Variants in LGI3 observed in about 807,000 individuals in gnomAD.
LGI3 encodes the protein leucine rich repeat LGI family member 3.
Under a neutral mutation model 55.4 loss-of-function variants are expected in LGI3, and 47 were observed. That is an observed-to-expected ratio of 0.85 (90% CI 0.67 to 1.08). The LOEUF (loss-of-function observed/expected upper bound fraction) is 1.08. Ranked by LOEUF, LGI3 falls within the 50% of genes least tolerant of loss-of-function variation. The pLI is 0.00. For synonymous variants in LGI3, 326 were observed against 315.0 expected, an observed-to-expected ratio of 1.04 and a Z score of -0.37; for missense variants, 664 against 726.3, an observed-to-expected ratio of 0.91 and a Z score of 0.99.
At position 22,148,330 on chromosome 8, in the gene LGI3, A is replaced by G; in HGVS notation, c.1477T>C (p.Tyr493His). The G allele has an allele frequency of 6.2e-7, 1 of 1,614,130 alleles. No homozygotes were observed. Among genetic ancestry groups the G allele is most frequent in the Admixed American group, 1.7e-5 (1 of 60,010 alleles). ...TTCTGTCGTCCCTCATCCCACTGGT[A>G]GATCTGGGTGAAGGAGAAATCACTG... The part of the protein sequence containing the change: ...LGSDFSFTQI[Y>H]QWDEGRQKFV... Residue 493 changes from tyrosine (Y) to histidine (H), a missense_variant, in exon 8 of 8, where the codon TAC becomes CAC. Transcript: ENST00000306317. This position sits in a 1 kb window ranked among gnomAD's most constrained non-coding sequence, Gnocchi z 7.0.
At chr8:22,153,530 G>A (rs1003549888) in intron 5 of LGI3, among the ~76,000 whole-genome samples, 15 of 151,694 alleles carry the variant, frequency 9.9e-5, no homozygotes, top group Admixed American at 6.6e-4. Flanking sequence ...GTGAAACCCC[G>A]TCTATACTAA....
chr8:22,156,489 G>C lies in LGI3; in HGVS notation c.54C>G (p.Ser18=). 7.0e-7 allele frequency: 1 copy of C among 1,421,432 alleles called. No homozygotes were observed. Among genetic ancestry groups the C allele is most frequent in the Non-Finnish European group, 9.2e-7 (1 of 1,088,746 alleles). 88.1% of individuals were successfully genotyped at this position (1,421,432 alleles called of 1,614,324 possible). Residue 18 remains serine (S), a synonymous_variant, in exon 1 of 8, where the codon TCC becomes TCG. Coordinates refer to ENST00000306317, the MANE Select transcript of LGI3 (RefSeq NM_139278.4). The part of the protein sequence containing the change: ...GGPGPGLLAL[S]ALGFCLMLQV... ...GCAGCATGAGGCAGAAGCCGAGCGC[G>C]GAGAGCGCCAGCAGCCCCGGCCCCG... is the stretch of plus-strand genomic sequence containing the variant.
chr8:22,153,365 G>A (rs907753133), intron 5 of LGI3, among the ~76,000 whole-genome samples: 4 of 151,148 alleles, frequency 2.6e-5, no homozygotes, highest in Non-Finnish European at 5.9e-5. Flanking sequence ...GATTACAGGC[G>A]TGAGCCACCA....
Position 22,148,672 on chromosome 8 carries a change from G to A in LGI3, c.1135C>T (p.Leu379=). ...TTGCCCTCGCCGTCCACAAACTCCA[G>A]GTCGGTGTCACGGTGCCAGGGGTGC... is the stretch of plus-strand genomic sequence containing the variant. ...ALHPWHRDTD[L]EFVDGEGKPR... is the part of the protein sequence containing the mutation. The change falls in exon 8 of 8, where the codon CTG becomes TTG. Residue 379 remains leucine (L), a synonymous_variant. Transcript: ENST00000306317. The surrounding 1 kb of genome is among the most constrained non-coding windows in gnomAD (Gnocchi z 7.0). 1 of 1,614,074 alleles carries A rather than the reference G, an allele frequency of 6.2e-7. No homozygotes were observed. Among genetic ancestry groups the A allele is most frequent in the Non-Finnish European group, 8.5e-7 (1 of 1,180,018 alleles).
chr8:22,156,520 C>A lies in LGI3; in HGVS notation c.23G>T (p.Gly8Val). 1.5e-6 allele frequency: 2 copies of A among 1,363,134 alleles called. No individual in the cohort carries two copies. Among genetic ancestry groups the A allele is most frequent in the Non-Finnish European group, 1.9e-6 (2 of 1,057,226 alleles). 84.4% of individuals were successfully genotyped at this position (1,363,134 alleles called of 1,614,324 possible). ...CGCCAGCAGCCCCGGCCCCGGGCCC[C>A]CCCTGGCCCGCAGCCCCGCCATGCT... is the stretch of plus-strand genomic sequence containing the variant. MAGLRAR[G>V]GPGPGLLALS... The change falls in exon 1 of 8, where the codon GGG becomes GTG. Residue 8 changes from glycine (G) to valine (V), a missense_variant. Physicochemically the swap from Gly to Val is moderately radical, Grantham distance 109 (BLOSUM62 -3). Transcript: ENST00000306317.
intron 1 of LGI3, among the ~76,000 whole-genome samples, chr8:22,155,898 G>A (rs1292903024): frequency 1.3e-5 from 2 of 152,264 alleles, no homozygotes; most frequent in African/African-American, 4.8e-5. Flanking sequence ...GGCTGGCCGA[G>A]CTGAGTGCCA....
At chr8:22,152,762 A>C (rs1285920919) in intron 5 of LGI3, among the ~76,000 whole-genome samples, 1 of 145,738 alleles carries the variant, frequency 6.9e-6, no homozygotes, top group African/African-American at 2.5e-5. Flanking sequence ...AAAAAAAAGC[A>C]CATGTTGGCC....
chr8:22,156,722 C>A lies in LGI3; in HGVS notation c.-180G>T. The A allele has an allele frequency of 4.6e-6, 1 of 219,058 alleles. No homozygotes were observed. Among genetic ancestry groups the A allele is most frequent in the Non-Finnish European group, 8.8e-6 (1 of 113,486 alleles). 13.6% of individuals were successfully genotyped at this position (219,058 alleles called of 1,614,324 possible). On this transcript the variant is annotated 5_prime_UTR_variant, in exon 1 of 8. Coordinates refer to ENST00000306317, the MANE Select transcript of LGI3 (RefSeq NM_139278.4). ...CGGCTGCGGTCCCCTCCCCTGCTCG[C>A]TCCCGCGATCCGGCTCGGGAGAGAA...
Position 22,156,525 on chromosome 8 carries a change from G to C in LGI3, c.18C>G (p.Ala6=), listed in dbSNP as rs2131799315. Residue 6 remains alanine, a synonymous_variant, in exon 1 of 8, where the codon GCC becomes GCG. Coordinates refer to ENST00000306317, the MANE Select transcript of LGI3 (RefSeq NM_139278.4). MAGLR[A]RGGPGPGLLA... ...GCAGCCCCGGCCCCGGGCCCCCCCT[G>C]GCCCGCAGCCCCGCCATGCTGCCCG... is the stretch of plus-strand genomic sequence containing the variant. 4.4e-6 allele frequency: 6 copies of C among 1,348,696 alleles called. No individual in the cohort carries two copies. The African/African-American group carries it at 4.6e-5, about 10-fold the overall frequency. 83.5% of individuals were successfully genotyped at this position (1,348,696 alleles called of 1,614,324 possible).
chr8:22,156,554 TCTCTCCCTGGGGCCGGCGGC>T lies in LGI3; in HGVS notation c.-32_-13del. 8.5e-7 allele frequency: 1 copy of T among 1,180,180 alleles called. No homozygotes were observed. Among genetic ancestry groups the T allele is most frequent in the Non-Finnish European group, 1.1e-6 (1 of 911,236 alleles). 73.1% of individuals were successfully genotyped at this position (1,180,180 alleles called of 1,614,324 possible). On this transcript the variant is annotated 5_prime_UTR_variant, in exon 1 of 8. Transcript: ENST00000306317. Reference sequence around the variant, plus strand: ...CGCAGCCCCGCCATGCTGCCCGCGATCTCTCCCTGGGGCCGGCGGCCGCGGCCCCCGCCCCACCGCTCCCG... The same window carrying T: ...CGCAGCCCCGCCATGCTGCCCGCGATCGCGGCCCCCGCCCCACCGCTCCCG...
At chr8:22,150,501 G>A (rs954551737) in intron 7 of LGI3, among the ~76,000 whole-genome samples, 1 of 151,880 alleles carries the variant, frequency 6.6e-6, no homozygotes, top group African/African-American at 2.4e-5. Flanking sequence ...TGGGACTACA[G>A]GCACCTGCCA....
chr8:22,149,094 T>C (rs1827346230), intron 7 of LGI3, 117 bp from the exon 8 acceptor site: 8 of 663,438 alleles, frequency 1.2e-5, no homozygotes, highest in Admixed American at 2.9e-5. Flanking sequence ...CTCTGCGCTA[T>C]ACCATTCCAC....
intron 2 of LGI3, 141 bp from the exon 3 acceptor site, chr8:22,154,772 C>T (rs1827465219): frequency 3.0e-6 from 2 of 657,700 alleles, no homozygotes; most frequent in Non-Finnish European, 5.5e-6. Context: ...AATCCCTGGG[C>T]CACCTGGGCA....
chr8:22,151,997 G>T lies in LGI3; in HGVS notation c.498C>A (p.Asp166Glu), dbSNP rs1351220948. ...FRPLDILNDL[D>E]LRGNSLNCDC... ...CACAGTTGAGTGAGTTGCCCCGCAG[G>T]TCCCTGCATCATGAGGGCAGAGGAG... Residue 166 changes from aspartate to glutamate, a missense_variant, in exon 6 of 8, where the codon GAC becomes GAA. Transcript: ENST00000306317. The T allele has an allele frequency of 1.9e-6, 3 of 1,596,170 alleles. No homozygotes were observed. Among genetic ancestry groups the T allele is most frequent in the Non-Finnish European group, 1.7e-6 (2 of 1,167,700 alleles).
At position 22,154,031 on chromosome 8, in the gene LGI3, G is replaced by T. The variant is rs1227592621; in HGVS notation, c.431C>A (p.Ala144Asp). The T allele has an allele frequency of 3.7e-6, 6 of 1,614,068 alleles. No homozygotes were observed. Among genetic ancestry groups the T allele is most frequent in the Non-Finnish European group, 5.1e-6 (6 of 1,180,030 alleles). The change falls in exon 5 of 8, where the codon GCC becomes GAC. Residue 144 changes from alanine (A) to aspartate (D), a missense_variant. Ala to Asp is a moderately radical substitution (Grantham distance 126). Transcript: ENST00000306317. ...GGGCAGTGTCTGCAGGTTATTGTTG[G>T]CCAGCGAGCTGCAAAAGAGACCGCC... ...GLKSLTHLSL[A>D]NNNLQTLPRD...
At position 22,147,848 on chromosome 8, in the gene LGI3, C is replaced by T. The variant is rs1040265709; in HGVS notation, c.*312G>A. On this transcript the variant is annotated 3_prime_UTR_variant, in exon 8 of 8. Transcript: ENST00000306317. ...GCGGCCCCCCTCGCTCCCAGCACCCCGCACCACTCGTGCATGAGACAGGGG... is the reference window on the plus strand; with the variant it reads ...GCGGCCCCCCTCGCTCCCAGCACCCTGCACCACTCGTGCATGAGACAGGGG... 5 of 347,992 alleles carry T rather than the reference C, an allele frequency of 1.4e-5. No individual in the cohort carries two copies. The highest frequency in any genetic ancestry group is 8.2e-4 in the Middle Eastern group (1 of 1,216). The allele number at this position is 347,992 out of a possible 1,614,324, so 21.6% of individuals were successfully genotyped here.
At chr8:22,152,837 G>A (rs7834247) in intron 5 of LGI3, among the ~76,000 whole-genome samples, 6,995 of 151,238 alleles carry the variant, frequency 0.046, 514 homozygotes, top group African/African-American at 0.16. Context: ...GATCAACTGA[G>A]GTCGGGAGTT....
intron 3 of LGI3, 64 bp downstream of exon 3, chr8:22,154,496 G>A (rs565946310): frequency 1.1e-4 from 157 of 1,427,106 alleles, no homozygotes; most frequent in African/African-American, 5.9e-4. Flanking sequence ...CCAGTCCCTC[G>A]GCCTCCCAGG....
intron 2 of LGI3, chr8:22,154,890 T>C: frequency 1.9e-6 from 1 of 520,148 alleles, no homozygotes; most frequent in Non-Finnish European, 3.5e-6. Context: ...CTCCTGGTCC[T>C]CCCGGGTGGC....
Sources: gnomAD v4.1 joint callset for allele counts (sites outside exome capture counted in the v4.1 genomes callset) on GRCh38, gnomAD v4.1.1 for gene constraint, Gnocchi (gnomAD v3.1) non-coding constraint, MANE v1.5 for transcripts, NCBI Gene and HGNC (gene_info 2026-07-23, HGNC 2026-07-21) for gene names.